The following MTIF2 variants were observed in gnomAD, a reference collection of about 807,000 sequenced individuals.
MTIF2 encodes the protein translation initiation factor IF-2, mitochondrial.
Under a neutral mutation model 83.5 loss-of-function variants are expected in MTIF2, and 71 were observed. The observed-to-expected ratio is 0.85, with a 90% confidence interval of 0.70 to 1.04. The LOEUF (loss-of-function observed/expected upper bound fraction) is 1.04, where lower values mean the gene tolerates loss of function less well. Ranked by LOEUF, MTIF2 falls within the 50% of genes least tolerant of loss-of-function variation. The pLI is 0.00. For synonymous variants in MTIF2, 319 were observed against 287.1 expected (o/e 1.11, Z -1.12); for missense variants, 957 against 846.5 (o/e 1.13, Z -1.62).
intron 3 of MTIF2, among the ~76,000 whole-genome samples, chr2:55,264,104 G>A (rs1340116362): frequency 6.6e-6 from 1 of 152,126 alleles, no homozygotes; most frequent in Non-Finnish European, 1.5e-5. Flanking sequence ...TGATAGAATT[G>A]AAATACAATA....
chr2:55,267,861 G>A (rs1257247538), intron 2 of MTIF2: 2 of 152,178 alleles, frequency 1.3e-5, no homozygotes, highest in African/African-American at 4.8e-5. Flanking sequence ...GGTTGTGTAT[G>A]TGTGTGTAAT....
chr2:55,255,236 A>G (rs1327554769), intron 5 of MTIF2, among the ~76,000 whole-genome samples: 2 of 151,370 alleles, frequency 1.3e-5, no homozygotes, highest in Non-Finnish European at 2.9e-5. Flanking sequence ...CTATAAAGTC[A>G]CCAAAACTAT....
chr2:55,254,524 G>T, intron 6 of MTIF2, 130 bp downstream of exon 6: 3 of 760,850 alleles, frequency 3.9e-6, no homozygotes, highest in Non-Finnish European at 6.0e-6. Flanking sequence ...AATGCTTTAA[G>T]TACTTCGAAG....
chr2:55,267,000 C>A (rs1033532708), intron 3 of MTIF2, among the ~76,000 whole-genome samples: 1 of 152,042 alleles, frequency 6.6e-6, no homozygotes, highest in Non-Finnish European at 1.5e-5. Context: ...AAACTCCTGA[C>A]CTCAGGTGAT....
At chr2:55,238,814 G>A (rs1357639115) in intron 14 of MTIF2, among the ~76,000 whole-genome samples, 1 of 152,128 alleles carries the variant, frequency 6.6e-6, no homozygotes, top group Non-Finnish European at 1.5e-5. Context: ...TCTGACTGGT[G>A]TCTTTGCTTA....
chr2:55,263,289 AT>A (rs1678175427), intron 4 of MTIF2, among the ~76,000 whole-genome samples: 1 of 152,204 alleles, frequency 6.6e-6, no homozygotes, highest in Non-Finnish European at 1.5e-5. Context: ...GCACCACACA[AT>A]TAACCGGAAC....
At chr2:55,252,065 G>T (rs1177725863) in intron 8 of MTIF2, among the ~76,000 whole-genome samples, 1 of 152,192 alleles carries the variant, frequency 6.6e-6, no homozygotes, top group Admixed American at 6.6e-5. Context: ...AAGCAGAAGG[G>T]AAAGTTTCTC....
intron 5 of MTIF2, among the ~76,000 whole-genome samples, chr2:55,256,392 A>G (rs1212052463): frequency 6.6e-6 from 1 of 151,954 alleles, no homozygotes; most frequent in Non-Finnish European, 1.5e-5. Context: ...AGGGTGTCCA[A>G]AAAGTCTTTA....
At chr2:55,246,516 T>A in intron 9 of MTIF2, 55 bp from the exon 10 acceptor site, 1 of 1,471,540 alleles carries the variant, frequency 6.8e-7, no homozygotes, top group Non-Finnish European at 9.5e-7. Flanking sequence ...TCTGTAAATG[T>A]AAATGCCAGG....
intron 9 of MTIF2, among the ~76,000 whole-genome samples, chr2:55,247,427 C>G (rs773430724): frequency 6.6e-6 from 1 of 152,104 alleles, no homozygotes; most frequent in African/African-American, 2.4e-5. Context: ...GTGGCACGTG[C>G]CTGTAATCCC....
Position 55,246,353 on chromosome 2 carries a change from TGAAA to T in MTIF2, c.1086_1089del (p.Phe363GlnfsTer12). On this transcript the variant is annotated frameshift_variant, in exon 10 of 16. Coordinates refer to ENST00000263629, the MANE Select transcript of MTIF2 (RefSeq NM_002453.3). LOFTEE classifies it high-confidence loss of function. ...GAGTCCTACCCTCTTCCTTTGTCTG[TGAAA>T]GACTCTATTACTGTTCCTTCCACTG... is the stretch of plus-strand genomic sequence containing the variant. The T allele has an allele frequency of 6.2e-7, 1 of 1,613,898 alleles. No homozygotes were observed. Among genetic ancestry groups the T allele is most frequent in the Non-Finnish European group, 8.5e-7 (1 of 1,179,838 alleles).
chr2:55,265,885 G>A (rs1678393771), intron 3 of MTIF2, among the ~76,000 whole-genome samples: 1 of 152,022 alleles, frequency 6.6e-6, no homozygotes, highest in African/African-American at 2.4e-5. Context: ...TGTCTCTACT[G>A]AATATGTACA....
In MTIF2 at chr2:55,236,639, A is replaced by C; in HGVS notation, c.*9T>G. ...AACACGTTGAGTTATTTACATTTTT[A>C]ATGTAATTTTAAAATCCTGGATCCC... is the stretch of plus-strand genomic sequence containing the variant. On this transcript the variant is annotated 3_prime_UTR_variant, in exon 16 of 16. Coordinates refer to ENST00000263629, the MANE Select transcript of MTIF2 (RefSeq NM_002453.3). 6.3e-7 allele frequency: 1 copy of C among 1,578,660 alleles called. No individual in the cohort carries two copies. The highest frequency in any genetic ancestry group is 8.6e-7 in the Non-Finnish European group (1 of 1,167,320).
intron 4 of MTIF2, among the ~76,000 whole-genome samples, chr2:55,262,729 T>G (rs12998969): frequency 2.7e-4 from 40 of 149,336 alleles, no homozygotes; most frequent in East Asian, 9.9e-4. Context: ...TTTTTTTTTT[T>G]GTTTTTTGTT....
At position 55,252,501 on chromosome 2, in the gene MTIF2, T is replaced by C. The variant is rs267599413; in HGVS notation, c.817A>G (p.Ile273Val). The change falls in exon 8 of 16, where the codon ATT (isoleucine) becomes GTT (valine). Residue 273 changes from isoleucine (I) to valine (V), a missense_variant. Coordinates refer to ENST00000263629, the MANE Select transcript of MTIF2 (RefSeq NM_002453.3). ...CCCTGTGCATCTTTGGCATGCTGAA[T>C]AGATTCTACAGTTTGTTTCATCACT... ...DGVMKQTVES[I>V]QHAKDAQVPI... 1.4e-5 allele frequency: 22 copies of C among 1,614,074 alleles called. No individual in the cohort carries two copies. Among genetic ancestry groups the C allele is most frequent in the East Asian group, 2.2e-5 (1 of 44,894 alleles).
At chr2:55,266,369 C>T (rs1678426536) in intron 3 of MTIF2, 1 of 151,470 alleles carries the variant, frequency 6.6e-6, no homozygotes, top group Admixed American at 6.6e-5. Context: ...ATTAAAAATA[C>T]AAAAAAATTA....
At chr2:55,265,442 A>T (rs1009851887) in intron 3 of MTIF2, among the ~76,000 whole-genome samples, 1 of 151,640 alleles carries the variant, frequency 6.6e-6, no homozygotes, top group African/African-American at 2.4e-5. Flanking sequence ...ACCTATGATG[A>T]CTGATTATAA....
At chr2:55,268,528 T>C (rs1269801361) in intron 2 of MTIF2, 50 bp downstream of exon 2, 1 of 151,854 alleles carries the variant, frequency 6.6e-6, no homozygotes, top group African/African-American at 2.4e-5. Context: ...GAAAGACACA[T>C]TGGAGGCAAT....
At chr2:55,253,564 C>A (rs1424093824) in intron 7 of MTIF2, among the ~76,000 whole-genome samples, 2 of 152,134 alleles carry the variant, frequency 1.3e-5, no homozygotes, top group African/African-American at 2.4e-5. Context: ...CACCTGTAAT[C>A]CCAACACTTT....
Sources: allele counts gnomAD v4.1 joint callset (sites outside exome capture counted in the v4.1 genomes callset), GRCh38; gene constraint gnomAD v4.1.1; transcripts MANE v1.5; gene names NCBI Gene and HGNC (gene_info 2026-07-23, HGNC 2026-07-21).